Variants in FRG1 observed in about 807,000 individuals in gnomAD.
FRG1 encodes the protein protein FRG1.
Under a neutral mutation model 37.0 loss-of-function variants are expected in FRG1, and 19 were observed. The ratio of observed to expected loss-of-function variants is 0.51; its 90% confidence interval spans 0.36 to 0.75. FRG1 has a LOEUF of 0.75. Ranked by LOEUF, FRG1 falls within the 30% of genes least tolerant of loss-of-function variation. FRG1 has a pLI of 0.00. For synonymous variants in FRG1, 73 were observed against 96.5 expected (o/e 0.76, Z 1.43); for missense variants, 243 against 301.4 (o/e 0.81, Z 1.44).
At chr4:189,957,976 A>G (rs919793341) in intron 6 of FRG1, among the ~76,000 whole-genome samples, 4 of 151,648 alleles carry the variant, frequency 2.6e-5, no homozygotes, top group African/African-American at 7.3e-5. Context: ...TTATAAACAT[A>G]TGAATATGTT....
At chr4:189,950,936 A>G (rs1410736515) in intron 2 of FRG1, among the ~76,000 whole-genome samples, 2 of 152,132 alleles carry the variant, frequency 1.3e-5, no homozygotes, top group Non-Finnish European at 2.9e-5. Flanking sequence ...TTTATATATT[A>G]TACTATGTCA....
At chr4:189,951,060 T>C (rs1162423867) in intron 2 of FRG1, among the ~76,000 whole-genome samples, 1 of 152,224 alleles carries the variant, frequency 6.6e-6, no homozygotes, top group Non-Finnish European at 1.5e-5. Context: ...GAGGATATTT[T>C]TTAACATTAA....
In FRG1 at chr4:189,962,317, AAAGCTAAAC is replaced by A. The variant is rs536019831; in HGVS notation, c.740+389_740+397del. Among the ~76,000 whole-genome samples the A allele has an allele frequency of 1.6e-3, 239 of 152,318 alleles. 1 individual carries two copies. The highest frequency in any genetic ancestry group is 2.6e-3 in the Non-Finnish European group (180 of 68,018). ...TAGATCAACTAAAAAACTAAGTATAAAAGCTAAACAAGTGAAATTGAAGCAGTTTTATTA... is the reference window on the plus strand; with the variant it reads ...TAGATCAACTAAAAAACTAAGTATAAAAGTGAAATTGAAGCAGTTTTATTA... On this transcript the variant is annotated intron_variant, in intron 8 of 8. Transcript: ENST00000226798.
rs200478293 is a variant in FRG1, at chr4:189,940,996, A to C, written c.-14A>C. 1.8e-3 allele frequency: 2,885 copies of C among 1,612,058 alleles called. 47 individuals carry two copies. In the African/African-American group the frequency reaches 0.032, roughly 18 times the overall value. On this transcript the variant is annotated 5_prime_UTR_variant, in exon 1 of 9. Coordinates refer to ENST00000226798, the MANE Select transcript of FRG1 (RefSeq NM_004477.3). ...ACCGGCCTCAGCCTCTCCGCGCAGA[A>C]GTTTCCCGGAGCCATGGCCGAGTAC...
At chr4:189,950,839 ATGT>A (rs1736722085) in intron 2 of FRG1, among the ~76,000 whole-genome samples, 1 of 152,114 alleles carries the variant, frequency 6.6e-6, no homozygotes, top group African/African-American at 2.4e-5. Context: ...AAAATCACAG[ATGT>A]TATGTCATTT....
At chr4:189,941,467 C>G (rs1736297650) in intron 1 of FRG1, among the ~76,000 whole-genome samples, 1 of 152,074 alleles carries the variant, frequency 6.6e-6, no homozygotes, top group Admixed American at 6.5e-5. Context: ...TTAATTTTTT[C>G]TAATCTAATA....
chr4:189,956,410 T>C (rs1429577905), intron 5 of FRG1, among the ~76,000 whole-genome samples: 5 of 152,228 alleles, frequency 3.3e-5, no homozygotes, highest in African/African-American at 7.2e-5. Context: ...TACAACACTT[T>C]AGGAAAGTTC....
chr4:189,947,579 A>G (rs62344057), intron 2 of FRG1, among the ~76,000 whole-genome samples: 1 of 151,494 alleles, frequency 6.6e-6, no homozygotes, highest in Non-Finnish European at 1.5e-5. Context: ...AGGTATACTT[A>G]GTGAGTTCTC....
chr4:189,946,916 A>G (rs1245526120), intron 2 of FRG1, among the ~76,000 whole-genome samples: 8 of 152,042 alleles, frequency 5.3e-5, no homozygotes, highest in African/African-American at 1.9e-4. Flanking sequence ...GCAGTGGTGC[A>G]ATCTCGGCTC....
chr4:189,941,418 T>C (rs1561060302), intron 1 of FRG1, among the ~76,000 whole-genome samples: 2 of 152,236 alleles, frequency 1.3e-5, no homozygotes, highest in African/African-American at 4.8e-5. Flanking sequence ...TTAGGGATTA[T>C]TATTTTCTCC....
chr4:189,946,283 A>G (rs1172011731), intron 2 of FRG1, among the ~76,000 whole-genome samples: 1 of 77,058 alleles, frequency 1.3e-5, no homozygotes, highest in Non-Finnish European at 3.1e-5. Context: ...GGCCACACAT[A>G]AAATACACTA....
chr4:189,952,567 C>A (rs1736802495), intron 3 of FRG1, among the ~76,000 whole-genome samples: 1 of 152,030 alleles, frequency 6.6e-6, no homozygotes, highest in African/African-American at 2.4e-5. Flanking sequence ...AAAAAGAAAA[C>A]CTATTTGAGT....
rs187309997 is a variant in FRG1 at position 189,962,083 on chromosome 4, C to T, written c.740+151C>T. On this transcript the variant is annotated intron_variant, in intron 8 of 8. Transcript: ENST00000226798. ...TGGCAATATTACCTAAAGAGGACAT[C>T]GTAAGTTTGGGAAAAGACTGTCATG... 851 of 582,944 alleles carry T rather than the reference C, an allele frequency of 1.5e-3. 1 individual carries two copies. The highest frequency in any genetic ancestry group is 1.7e-3 in the Non-Finnish European group (566 of 328,968). The allele number at this position is 582,944 out of a possible 1,614,324, so 36.1% of individuals were successfully genotyped here.
At chr4:189,949,989 G>A (rs374331558) in intron 2 of FRG1, among the ~76,000 whole-genome samples, 5 of 152,068 alleles carry the variant, frequency 3.3e-5, no homozygotes, top group Admixed American at 6.5e-5. Context: ...CAGGGTTTCC[G>A]TTTCTCCACA....
chr4:189,954,930 A>G (rs1004998157), intron 4 of FRG1, 107 bp from the exon 5 acceptor site: 1 of 654,712 alleles, frequency 1.5e-6, no homozygotes, highest in African/African-American at 1.8e-5. Context: ...GTGCAGTCTG[A>G]AATTTTAGAT....
chr4:189,957,572 A>C, intron 6 of FRG1, 70 bp downstream of exon 6: 2 of 1,333,918 alleles, frequency 1.5e-6, no homozygotes, highest in African/African-American at 1.5e-5. Context: ...TTAAAATGTT[A>C]AATGGTCATT....
In FRG1 at chr4:189,960,767, G is replaced by A. The variant is rs774190023; in HGVS notation, c.557G>A (p.Arg186Lys). Residue 186 changes from arginine to lysine, a missense_variant, in exon 7 of 9, where the codon AGA becomes AAA. By Grantham distance (26) the Arg-to-Lys change is conservative. Around this residue, in one of 2 missense-constraint regions of FRG1, gnomAD observed 133 missense variants for 199.3 expected, o/e 0.67. Coordinates refer to ENST00000226798, the MANE Select transcript of FRG1 (RefSeq NM_004477.3). ...EMIKIRSCAE[R>K]ETKKKDDIPE... is the part of the protein sequence containing the mutation. ...ATCTAGATTAGATCCTGTGCTGAAA[G>A]AGAAACCAAGAAAAAAGATGACATT... is the stretch of plus-strand genomic sequence containing the variant. 2 of 1,608,286 alleles carry A rather than the reference G, an allele frequency of 1.2e-6. No individual in the cohort carries two copies. Among genetic ancestry groups the A allele is most frequent in the South Asian group, 1.1e-5 (1 of 90,486 alleles).
chr4:189,942,315 A>G (rs1736345466), intron 1 of FRG1, among the ~76,000 whole-genome samples: 1 of 152,100 alleles, frequency 6.6e-6, no homozygotes, highest in African/African-American at 2.4e-5. Context: ...ACCACTGTCT[A>G]GTTGCTCAGC....
Position 189,962,466 on chromosome 4 carries a change from G to A in FRG1, c.740+534G>A, listed in dbSNP as rs1737278013. Among the ~76,000 whole-genome samples the A allele has an allele frequency of 5.3e-5, 8 of 152,136 alleles. No homozygotes were observed. In the South Asian group the frequency reaches 1.7e-3, roughly 32 times the overall value. ...TGACATAGAAAAACAGAGACGTTTA[G>A]CTGTGAGTGTACAAGTATAAATCAA... is the stretch of plus-strand genomic sequence containing the variant. On this transcript the variant is annotated intron_variant, in intron 8 of 8. Transcript: ENST00000226798.
Sources: gnomAD v4.1 joint callset for allele counts (sites outside exome capture counted in the v4.1 genomes callset) on GRCh38, gnomAD v4.1.1 for gene constraint, gnomAD v4.1.1 regional missense constraint, MANE v1.5 for transcripts, NCBI Gene and HGNC (gene_info 2026-07-23, HGNC 2026-07-21) for gene names.